ACAD10: variants seen among roughly 807,000 people sequenced by gnomAD.
The protein encoded by ACAD10 is acyl-CoA dehydrogenase family member 10.
ACAD10 carries 112 observed loss-of-function variants against 116.8 expected under a neutral mutation model. The ratio of observed to expected loss-of-function variants is 0.96; its 90% confidence interval spans 0.82 to 1.12. ACAD10 has a LOEUF of 1.12. Ranked by LOEUF, ACAD10 falls within the 50% of genes most tolerant of loss-of-function variation. ACAD10 has a pLI of 0.00. For synonymous variants in ACAD10, 486 were observed against 510.6 expected (o/e 0.95, Z 0.65); for missense variants, 1,259 against 1,350.2 (o/e 0.93, Z 1.06).
intron 7 of ACAD10, among the ~76,000 whole-genome samples, chr12:111,717,088 T>A (rs1358544695): frequency 6.6e-6 from 1 of 152,094 alleles, no homozygotes; most frequent in Non-Finnish European, 1.5e-5. Context: ...TAGTCCTCAT[T>A]TACAACTGGG....
At chr12:111,750,094 T>TG (rs1890030803) in intron 18 of ACAD10, among the ~76,000 whole-genome samples, 1 of 142,894 alleles carries the variant, frequency 7.0e-6, no homozygotes, top group South Asian at 2.2e-4. Context: ...AAGTTTTTTT[T>TG]GTTTTTTTTT....
intron 5 of ACAD10, 60 bp from the exon 6 acceptor site, chr12:111,712,438 A>C (rs1888712096): frequency 6.7e-7 from 1 of 1,490,314 alleles, no homozygotes. Context: ...CATCCTGTGA[A>C]AGGAAGGGAA....
chr12:111,712,278 CG>C (rs1566148698), intron 5 of ACAD10, among the ~76,000 whole-genome samples: 2 of 152,002 alleles, frequency 1.3e-5, no homozygotes, highest in Admixed American at 6.6e-5. Flanking sequence ...TTTGTGGCAC[CG>C]GGGAACAAAC....
intron 19 of ACAD10, among the ~76,000 whole-genome samples, chr12:111,754,575 G>A (rs1402061802): frequency 1.3e-5 from 2 of 152,288 alleles, no homozygotes; most frequent in African/African-American, 4.8e-5. Flanking sequence ...GCTTTCTGTG[G>A]GGCAGCCTCC....
intron 3 of ACAD10, 52 bp from the exon 4 acceptor site, chr12:111,705,686 T>G: frequency 2.7e-6 from 4 of 1,507,042 alleles, no homozygotes; most frequent in South Asian, 1.2e-5. Context: ...TGGCCATGAG[T>G]GTTTGTCACT....
At chr12:111,692,957 G>T in intron 2 of ACAD10, 61 bp downstream of exon 2, 1 of 1,568,048 alleles carries the variant, frequency 6.4e-7, no homozygotes, top group South Asian at 1.2e-5. Flanking sequence ...AATGGAGGGT[G>T]ATCGGGAAGG....
chr12:111,707,062 G>A lies in ACAD10; in HGVS notation c.531+1130G>A, dbSNP rs1370302942. On this transcript the variant is annotated intron_variant, in intron 4 of 20. Transcript: ENST00000313698. ...CAAAGTGCTGGGATTACAGGCATGA[G>A]CCATCGTGCCTGGCCCCTATTTGGG... 4.0e-5 allele frequency among the ~76,000 whole-genome samples: 6 copies of A among 151,814 alleles called. No individual in the cohort carries two copies. In the South Asian group the frequency reaches 6.2e-4, roughly 16 times the overall value.
rs1889940745 is a variant in ACAD10 at position 111,747,343 on chromosome 12, G to A, written c.2443G>A (p.Asp815Asn). ...TNIEASIREEDSFYVINGHKW... is the reference protein window; with the variant it reads ...TNIEASIREENSFYVINGHKW... The stretch of plus-strand genomic sequence containing the variant: ...CATTGAGGCTTCCATCAGAGAGGAG[G>A]ACAGCTTCTATGTCATAAACGGTCA... Residue 815 changes from aspartate to asparagine, a missense_variant, in exon 16 of 21, where the codon GAC becomes AAC. Transcript: ENST00000313698. 1 of 1,614,166 alleles carries A rather than the reference G, an allele frequency of 6.2e-7. No homozygotes were observed. The highest frequency in any genetic ancestry group is 8.5e-7 in the Non-Finnish European group (1 of 1,180,036).
intron 4 of ACAD10, among the ~76,000 whole-genome samples, chr12:111,707,788 C>T (rs540239597): frequency 6.6e-6 from 1 of 152,294 alleles, no homozygotes; most frequent in South Asian, 2.1e-4. Context: ...TTGTACCCTT[C>T]GTTGGGCCAG....
intron 14 of ACAD10, 136 bp from the exon 15 acceptor site, chr12:111,746,913 T>C (rs1889919456): frequency 3.4e-6 from 4 of 1,168,384 alleles, no homozygotes; most frequent in Non-Finnish European, 4.7e-6. Flanking sequence ...CATGGGAGGA[T>C]GGCTTGAGCT....
intron 2 of ACAD10, 34 bp downstream of exon 2, chr12:111,692,930 T>C (rs1487302646): frequency 1.2e-6 from 2 of 1,604,800 alleles, no homozygotes; most frequent in South Asian, 2.2e-5. Flanking sequence ...TTTGTGGGAC[T>C]AGAGTGGTGG....
At chr12:111,710,024 A>G (rs1888627000) in intron 5 of ACAD10, 4 of 343,446 alleles carry the variant, frequency 1.2e-5, no homozygotes, top group South Asian at 2.5e-5. Context: ...CATGCAGGCC[A>G]TGCAGCTCAC....
At chr12:111,730,495 C>T (rs142606282) in intron 10 of ACAD10, among the ~76,000 whole-genome samples, 3 of 151,534 alleles carry the variant, frequency 2.0e-5, no homozygotes, top group East Asian at 3.9e-4. Context: ...GTCTGTAGCA[C>T]GGCTAAAATG....
chr12:111,729,687 A>G (rs1391119150), intron 9 of ACAD10, 119 bp from the exon 10 acceptor site: 1 of 1,247,614 alleles, frequency 8.0e-7, no homozygotes, highest in Non-Finnish European at 1.1e-6. Context: ...AACGTGTTCA[A>G]AGACACTGCA....
In ACAD10 at chr12:111,729,957, G is replaced by A; in HGVS notation, c.1394+1G>A. 1 of 1,613,196 alleles carries A rather than the reference G, an allele frequency of 6.2e-7. No homozygotes were observed. The highest frequency in any genetic ancestry group is 8.5e-7 in the Non-Finnish European group (1 of 1,179,432). On this transcript the variant is annotated splice_donor_variant, in intron 10 of 20. Transcript: ENST00000313698. LOFTEE classifies it high-confidence loss of function. ...CCACAGTGGTGCACGGGGACTTCAG[G>A]TAGATGTGGTGGCAGGGAGAGCTGA...
chr12:111,755,757 C>G lies in ACAD10; in HGVS notation c.3039+12C>G. On this transcript the variant is annotated intron_variant, in intron 20 of 20. Coordinates refer to ENST00000313698, the MANE Select transcript of ACAD10 (RefSeq NM_025247.6). ...ATCGTGCGATTCAGGTGAGCACAGA[C>G]CAGACAGTTGGCTTATTTGAACCAT... 1 of 1,612,858 alleles carries G rather than the reference C, an allele frequency of 6.2e-7. No individual in the cohort carries two copies. The highest frequency in any genetic ancestry group is 8.5e-7 in the Non-Finnish European group (1 of 1,179,228).
At chr12:111,693,064 C>T (rs550497140) in intron 2 of ACAD10, 168 bp downstream of exon 2, 14 of 672,958 alleles carry the variant, frequency 2.1e-5, no homozygotes, top group South Asian at 1.4e-4. Context: ...GTGTCTTGGG[C>T]GCATGATTCA....
At chr12:111,704,688 CT>C (rs59745029) in intron 3 of ACAD10, among the ~76,000 whole-genome samples, 105 of 126,130 alleles carry the variant, frequency 8.3e-4, no homozygotes, top group African/African-American at 1.2e-3. Flanking sequence ...TTCTTTCTTT[CT>C]TTTTTTTTTT....
At chr12:111,755,521 GCCT>G in intron 19 of ACAD10, 144 bp from the exon 20 acceptor site, 1 of 651,074 alleles carries the variant, frequency 1.5e-6, no homozygotes, top group Non-Finnish European at 2.8e-6. Flanking sequence ...TCTCACCTCA[GCCT>G]CCTGAGTAGC....
Sources: allele counts gnomAD v4.1 joint callset (sites outside exome capture counted in the v4.1 genomes callset), GRCh38; gene constraint gnomAD v4.1.1; transcripts MANE v1.5; gene names NCBI Gene and HGNC (gene_info 2026-07-23, HGNC 2026-07-21).